The following PTGES3 variants were observed in gnomAD, a reference collection of about 807,000 sequenced individuals.
PTGES3 encodes the protein Hsp90 co-chaperone.
Under a neutral mutation model 29.9 loss-of-function variants are expected in PTGES3, and 5 were observed. The observed-to-expected ratio is 0.17, with a 90% CI of 0.09 to 0.35. PTGES3 has a LOEUF of 0.35. PTGES3 is among the 10% of genes least tolerant of loss of function. PTGES3 has a pLI of 1.00. For missense variants in PTGES3, 128 were observed against 190.0 expected (o/e 0.67, Z 1.92); for synonymous variants, 49 against 57.8 (o/e 0.85, Z 0.69).
At chr12:56,673,554 G>A (rs1248561398) in intron 1 of PTGES3, among the ~76,000 whole-genome samples, 1 of 150,620 alleles carries the variant, frequency 6.6e-6, no homozygotes, top group African/African-American at 2.5e-5. Flanking sequence ...AGCACTTTGG[G>A]AGGCTGAGGT....
chr12:56,682,927 G>A (rs1331517562), intron 1 of PTGES3, among the ~76,000 whole-genome samples: 1 of 151,914 alleles, frequency 6.6e-6, no homozygotes, highest in Non-Finnish European at 1.5e-5. Context: ...CTAGGAGGCA[G>A]AGGTTGCAGT....
intron 1 of PTGES3, among the ~76,000 whole-genome samples, chr12:56,685,013 C>A (rs1355533498): frequency 6.6e-6 from 1 of 152,016 alleles, no homozygotes. Flanking sequence ...CCCAGCTACT[C>A]GGGAGACTGA....
intron 4 of PTGES3, 63 bp from the exon 5 acceptor site, chr12:56,670,427 G>A: frequency 8.2e-7 from 1 of 1,220,360 alleles, no homozygotes; most frequent in Non-Finnish European, 1.2e-6. Context: ...TGAACCTTAA[G>A]ACTACGTTTT....
Position 56,688,012 on chromosome 12 carries a change from A to AGGGGGACGGGCGAACT in PTGES3, c.-29_-14dup. 6.5e-7 allele frequency: 1 copy of AGGGGGACGGGCGAACT among 1,549,670 alleles called. No individual in the cohort carries two copies. The highest frequency in any genetic ancestry group is 1.2e-5 in the South Asian group (1 of 86,486). On this transcript the variant is annotated 5_prime_UTR_variant, in exon 1 of 8. Coordinates refer to ENST00000262033, the MANE Select transcript of PTGES3 (RefSeq NM_006601.7). ...GTCGCACTCACATTGTGAACGGGGC[A>AGGGGGACGGGCGAACT]GGGGGACGGGCGAACTGGTGGGCGG... is the stretch of plus-strand genomic sequence containing the variant.
chr12:56,683,410 T>C (rs1430133038), intron 1 of PTGES3, among the ~76,000 whole-genome samples: 2 of 123,500 alleles, frequency 1.6e-5, no homozygotes, highest in Non-Finnish European at 3.2e-5. Flanking sequence ...GAGGCGGAGG[T>C]TGCGGTGAGC....
At chr12:56,672,421 G>A (rs570266814) in intron 3 of PTGES3, among the ~76,000 whole-genome samples, 84 of 152,254 alleles carry the variant, frequency 5.5e-4, no homozygotes, top group South Asian at 1.0e-3. Context: ...TGGAACCTAC[G>A]AGGCAGAGGT....
At chr12:56,673,871 G>A (rs1269449368) in intron 1 of PTGES3, among the ~76,000 whole-genome samples, 9 of 151,752 alleles carry the variant, frequency 5.9e-5, no homozygotes, top group Non-Finnish European at 4.4e-5. Context: ...ATGGGACTGA[G>A]GCACAAGAAT....
intron 1 of PTGES3, chr12:56,687,616 C>A (rs1952939954): frequency 9.0e-7 from 1 of 1,115,820 alleles, no homozygotes; most frequent in Non-Finnish European, 1.1e-6. Context: ...AGCAACAGAA[C>A]CGGAGCGCCC....
intron 6 of PTGES3, 140 bp from the exon 7 acceptor site, chr12:56,664,940 C>A: frequency 1.4e-6 from 2 of 1,414,592 alleles, no homozygotes; most frequent in Non-Finnish European, 1.9e-6. Flanking sequence ...GAAATTTAGT[C>A]ATTGGACTTG....
At chr12:56,683,371 G>A (rs1260689129) in intron 1 of PTGES3, among the ~76,000 whole-genome samples, 1 of 150,230 alleles carries the variant, frequency 6.7e-6, no homozygotes, top group Non-Finnish European at 1.5e-5. Flanking sequence ...TACCCGGGAG[G>A]CTGAGGCAGG....
chr12:56,666,940 G>A (rs758495076), intron 5 of PTGES3, among the ~76,000 whole-genome samples: 41 of 148,676 alleles, frequency 2.8e-4, no homozygotes, highest in Non-Finnish European at 5.3e-4. Flanking sequence ...TTTATTTTGA[G>A]ATGGAGTCTT....
intron 1 of PTGES3, among the ~76,000 whole-genome samples, chr12:56,680,391 T>C (rs1371539842): frequency 6.6e-6 from 1 of 151,814 alleles, no homozygotes; most frequent in Non-Finnish European, 1.5e-5. Context: ...TCTTTCTTTT[T>C]TTTTTTTTGG....
chr12:56,664,629 C>G, intron 7 of PTGES3, 131 bp from the exon 8 acceptor site: 1 of 1,366,822 alleles, frequency 7.3e-7, no homozygotes, highest in South Asian at 1.3e-5. Flanking sequence ...GTCTTGCTAT[C>G]AAGTTATTCA....
chr12:56,675,857 A>C (rs1278829729), intron 1 of PTGES3, among the ~76,000 whole-genome samples: 1 of 152,128 alleles, frequency 6.6e-6, no homozygotes, highest in Non-Finnish European at 1.5e-5. Flanking sequence ...AAGGAGGTGG[A>C]GGTTGCAGTG....
intron 1 of PTGES3, among the ~76,000 whole-genome samples, chr12:56,686,629 G>A (rs956506304): frequency 6.6e-6 from 1 of 151,834 alleles, no homozygotes; most frequent in South Asian, 2.1e-4. Flanking sequence ...CGCCCGCCTC[G>A]GCCTCTCAGA....
rs1951689420 is a variant in PTGES3, at chr12:56,663,727, T to TA, written c.*751dup. On this transcript the variant is annotated 3_prime_UTR_variant, in exon 8 of 8. Transcript: ENST00000262033. ...AAAGGAAATAAAAAATCCAATAGTG[T>TA]ATTAAACATTTTTCACTCATTTGCC... 7.2e-6 allele frequency: 1 copy of TA among 139,528 alleles called. No individual in the cohort carries two copies. Among genetic ancestry groups the TA allele is most frequent in the Non-Finnish European group, 1.6e-5 (1 of 62,858 alleles). The allele number at this position is 139,528 out of a possible 1,614,324, so 8.6% of individuals were successfully genotyped here.
At chr12:56,678,054 T>C (rs947700343) in intron 1 of PTGES3, among the ~76,000 whole-genome samples, 1 of 151,752 alleles carries the variant, frequency 6.6e-6, no homozygotes, top group Non-Finnish European at 1.5e-5. Context: ...TGTCAGACAT[T>C]TATAGGCAAG....
chr12:56,665,284 CTT>C (rs59007550), intron 6 of PTGES3: 122,523 of 768,954 alleles, frequency 0.16, 8 homozygotes, highest in South Asian at 0.18. Flanking sequence ...CAATGTCCAT[CTT>C]TTTTTTTTTT....
intron 5 of PTGES3, 40 bp downstream of exon 5, chr12:56,670,235 T>G: frequency 7.5e-7 from 1 of 1,332,268 alleles, no homozygotes; most frequent in Non-Finnish European, 1.1e-6. Context: ...ACAGGTACCG[T>G]GTGCTTCGAA....
Sources: allele counts gnomAD v4.1 joint callset (sites outside exome capture counted in the v4.1 genomes callset), GRCh38; gene constraint gnomAD v4.1.1; transcripts MANE v1.5; gene names NCBI Gene and HGNC (gene_info 2026-07-23, HGNC 2026-07-21).